PRKCA: variants seen among roughly 807,000 people sequenced by gnomAD.
PRKCA encodes the protein protein kinase C alpha type.
In PRKCA, 27 loss-of-function variants were observed where a neutral mutation model predicts 87.0. The ratio of observed to expected loss-of-function variants is 0.31; its 90% CI spans 0.23 to 0.43. PRKCA has a LOEUF of 0.43. PRKCA is among the 20% of genes least tolerant of loss of function. The pLI, the probability that PRKCA is intolerant of heterozygous loss-of-function variation, is 1.00. For synonymous variants in PRKCA, 329 were observed against 311.1 expected, an observed-to-expected ratio of 1.06 and a Z score of -0.61; for missense variants, 518 against 852.3, an observed-to-expected ratio of 0.61 and a Z score of 4.88.
rs1008664765 is a variant in PRKCA, at chr17:66,806,401, C to T, written c.*2364C>T. Reference sequence around the variant, plus strand: ...TTTATGCACCATAGACATCGAGACTCCAGGGGGTCCTGGCTCCCCTGTCCC... The same window carrying T: ...TTTATGCACCATAGACATCGAGACTTCAGGGGGTCCTGGCTCCCCTGTCCC... On this transcript the variant is annotated 3_prime_UTR_variant, in exon 17 of 17. Transcript: ENST00000413366. 2.0e-5 allele frequency: 3 copies of T among 152,148 alleles called. No homozygotes were observed. The highest frequency in any genetic ancestry group is 4.4e-5 in the Non-Finnish European group (3 of 68,068). The allele number at this position is 152,148 out of a possible 1,614,324, so 9.4% of individuals were successfully genotyped here.
chr17:66,580,110 G>A lies in PRKCA; in HGVS notation c.289-61245G>A, dbSNP rs569177676. ...AAATAGTTACAAAGCTAAGAAGCAA[G>A]ATGTTTCATTGGGTAATTTAACTTT... is the stretch of plus-strand genomic sequence containing the variant. On this transcript the variant is annotated intron_variant, in intron 3 of 16. Coordinates refer to ENST00000413366, the MANE Select transcript of PRKCA (RefSeq NM_002737.3). Among the ~76,000 whole-genome samples, 8 of 152,318 alleles carry A rather than the reference G, an allele frequency of 5.3e-5. No individual in the cohort carries two copies. In the South Asian group the frequency reaches 1.5e-3, roughly 28 times the overall value.
chr17:66,387,717 C>A (rs1387320712), intron 2 of PRKCA, among the ~76,000 whole-genome samples: 2 of 152,322 alleles, frequency 1.3e-5, no homozygotes, highest in East Asian at 3.9e-4. Context: ...CAACTGAATT[C>A]CTGTCTGCTC....
At chr17:66,335,556 T>C (rs1906609585) in intron 2 of PRKCA, among the ~76,000 whole-genome samples, 2 of 150,582 alleles carry the variant, frequency 1.3e-5, no homozygotes, top group South Asian at 2.1e-4. Flanking sequence ...CACTCCAGCC[T>C]GGGCAACAAG....
intron 3 of PRKCA, among the ~76,000 whole-genome samples, chr17:66,519,419 G>C (rs1314602654): frequency 1.3e-5 from 2 of 152,174 alleles, no homozygotes; most frequent in African/African-American, 4.8e-5. Context: ...TATGATGTAC[G>C]TGATTTTGTT....
At chr17:66,353,863 T>G (rs911422546) in intron 2 of PRKCA, among the ~76,000 whole-genome samples, 1 of 152,162 alleles carries the variant, frequency 6.6e-6, no homozygotes, top group East Asian at 1.9e-4. Flanking sequence ...GCTTCAGCTC[T>G]CAGAGCAGCC....
chr17:66,376,094 G>A (rs1909401357), intron 2 of PRKCA, among the ~76,000 whole-genome samples: 1 of 152,150 alleles, frequency 6.6e-6, no homozygotes, highest in Non-Finnish European at 1.5e-5. Context: ...TAGTCCCTGG[G>A]CAGGAAGCTT....
At chr17:66,564,976 T>C (rs1968842153) in intron 3 of PRKCA, among the ~76,000 whole-genome samples, 1 of 152,064 alleles carries the variant, frequency 6.6e-6, no homozygotes, top group African/African-American at 2.4e-5. Flanking sequence ...TAAGACTCCG[T>C]GTCAAAACAA....
intron 2 of PRKCA, among the ~76,000 whole-genome samples, chr17:66,397,052 G>T (rs1910729564): frequency 8.0e-6 from 1 of 125,546 alleles, no homozygotes; most frequent in Admixed American, 1.1e-4. Context: ...TGTAACCTCT[G>T]CCTCCCAGGT....
chr17:66,374,274 G>T (rs568812695), intron 2 of PRKCA, among the ~76,000 whole-genome samples: 1 of 152,128 alleles, frequency 6.6e-6, no homozygotes, highest in Non-Finnish European at 1.5e-5. Flanking sequence ...ATGTGTCCCC[G>T]CTTTGCCAGC....
At chr17:66,608,199 C>T (rs1296087032) in intron 3 of PRKCA, among the ~76,000 whole-genome samples, 2 of 151,806 alleles carry the variant, frequency 1.3e-5, no homozygotes, top group African/African-American at 2.4e-5. Context: ...TGGAGCACAC[C>T]AATTGGCTTT....
intron 3 of PRKCA, among the ~76,000 whole-genome samples, chr17:66,587,889 G>GTATATATATATA (rs1231113103): frequency 1.1e-5 from 1 of 94,230 alleles, no homozygotes; most frequent in Non-Finnish European, 2.0e-5. Flanking sequence ...GTGTGTGTGT[G>GTATATATATATA]TGTGTGTATA....
At chr17:66,552,708 T>G (rs1186880397) in intron 3 of PRKCA, among the ~76,000 whole-genome samples, 1 of 152,182 alleles carries the variant, frequency 6.6e-6, no homozygotes, top group African/African-American at 2.4e-5. Flanking sequence ...ATCACATAAG[T>G]GACAACCTGA....
chr17:66,375,833 A>T (rs1909387101), intron 2 of PRKCA, among the ~76,000 whole-genome samples: 1 of 152,186 alleles, frequency 6.6e-6, no homozygotes, highest in Non-Finnish European at 1.5e-5. Flanking sequence ...CATAGGAGCC[A>T]TATGGACCCG....
intron 3 of PRKCA, among the ~76,000 whole-genome samples, chr17:66,568,701 T>G (rs11651017): frequency 0.053 from 8,089 of 152,262 alleles, 272 homozygotes; most frequent in East Asian, 0.12. Flanking sequence ...TTGAGATGAT[T>G]TAAAAATCAT....
In PRKCA at chr17:66,738,791, G is replaced by A. The variant is rs756351469; in HGVS notation, c.1258G>A (p.Val420Ile). 3 of 1,613,832 alleles carry A rather than the reference G, an allele frequency of 1.9e-6. No individual in the cohort carries two copies. The highest frequency in any genetic ancestry group is 2.5e-6 in the Non-Finnish European group (3 of 1,179,936). Residue 420 changes from valine (V) to isoleucine (I), a missense_variant, in exon 11 of 17, where the codon GTC (valine) becomes ATC (isoleucine). Around this residue, in one of 5 missense-constraint regions of PRKCA, gnomAD observed 300 missense variants for 496.8 expected, o/e 0.60. Coordinates refer to ENST00000413366, the MANE Select transcript of PRKCA (RefSeq NM_002737.3). ...TCGGCTGTACTTCGTCATGGAATATGTCAACGGTGGGGACCTCATGTACCA... is the reference window on the plus strand; with the variant it reads ...TCGGCTGTACTTCGTCATGGAATATATCAACGGTGGGGACCTCATGTACCA... ...VDRLYFVMEYVNGGDLMYHIQ... is the reference protein window; with the variant it reads ...VDRLYFVMEYINGGDLMYHIQ...
intron 2 of PRKCA, among the ~76,000 whole-genome samples, chr17:66,453,159 C>T (rs1914408855): frequency 6.6e-6 from 1 of 152,152 alleles, no homozygotes. Context: ...AAGCTTGAAA[C>T]CACTGAAGAT....
intron 2 of PRKCA, among the ~76,000 whole-genome samples, chr17:66,400,919 G>A (rs2143685944): frequency 6.6e-6 from 1 of 152,346 alleles, no homozygotes; most frequent in African/African-American, 2.4e-5. Context: ...AGGGGAGGAT[G>A]AGTATACCAT....
At chr17:66,473,172 C>T (rs776197335) in intron 2 of PRKCA, among the ~76,000 whole-genome samples, 11 of 152,168 alleles carry the variant, frequency 7.2e-5, no homozygotes, top group Non-Finnish European at 1.3e-4. Context: ...CTGCCTCCCC[C>T]GGTAGCTCAC....
intron 3 of PRKCA, among the ~76,000 whole-genome samples, chr17:66,499,494 C>T (rs1385139953): frequency 1.3e-5 from 2 of 152,190 alleles, no homozygotes; most frequent in Non-Finnish European, 2.9e-5. Flanking sequence ...TTTGTTTATG[C>T]CCACCATGGA....
Sources: allele counts gnomAD v4.1 joint callset (sites outside exome capture counted in the v4.1 genomes callset), GRCh38; gene constraint gnomAD v4.1.1; regional missense constraint gnomAD v4.1.1; transcripts MANE v1.5; gene names NCBI Gene and HGNC (gene_info 2026-07-23, HGNC 2026-07-21).